ENDOD1: variants seen among roughly 807,000 people sequenced by gnomAD.
ENDOD1 encodes the protein endonuclease domain containing 1, also known as endonuclease domain-containing 1 protein.
ENDOD1 carries 9 observed loss-of-function variants against 6.5 expected under a neutral mutation model. That is an observed-to-expected ratio of 1.39 (90% CI 0.84 to 2.43). ENDOD1 has a LOEUF of 2.43. Ranked by LOEUF, ENDOD1 falls within the 30% of genes most tolerant of loss-of-function variation. ENDOD1 has a pLI of 0.00. For synonymous variants in ENDOD1, 255 were observed against 255.2 expected (o/e 1.00, Z 0.01); for missense variants, 648 against 635.5 (o/e 1.02, Z -0.21).
intron 1 of ENDOD1, among the ~76,000 whole-genome samples, chr11:95,111,358 C>T (rs978236254): frequency 2.0e-5 from 3 of 151,922 alleles, no homozygotes; most frequent in East Asian, 1.9e-4. Context: ...TTCCATGGAC[C>T]GGGGAGCAGG....
chr11:95,129,319 A>G lies in ENDOD1; in HGVS notation c.1243A>G (p.Ile415Val). The G allele has an allele frequency of 1.9e-6, 3 of 1,614,050 alleles. No individual in the cohort carries two copies. The highest frequency in any genetic ancestry group is 2.5e-6 in the Non-Finnish European group (3 of 1,180,026). Residue 415 changes from isoleucine to valine, a missense_variant, in exon 2 of 2, where the codon ATC becomes GTC. Coordinates refer to ENST00000278505, the MANE Select transcript of ENDOD1 (RefSeq NM_015036.3). The part of the protein sequence containing the change: ...VAKVIRALLR[I>V]LCCLLKAICR... ...CAAAGTCATCAGGGCTCTCCTCCGG[A>G]TCCTTTGTTGTCTGCTGAAGGCCAT...
intron 1 of ENDOD1, among the ~76,000 whole-genome samples, chr11:95,098,641 G>A (rs1451936694): frequency 6.6e-6 from 1 of 151,948 alleles, no homozygotes; most frequent in African/African-American, 2.4e-5. Context: ...CTTCAAGTAA[G>A]TACAGTCTAG....
chr11:95,125,514 A>G (rs2134174805), intron 1 of ENDOD1, among the ~76,000 whole-genome samples: 1 of 152,180 alleles, frequency 6.6e-6, no homozygotes, highest in South Asian at 2.1e-4. Flanking sequence ...ACATATGTAT[A>G]CATGTGCCAT....
chr11:95,101,561 AT>A (rs1340295546), intron 1 of ENDOD1, among the ~76,000 whole-genome samples: 18 of 151,664 alleles, frequency 1.2e-4, no homozygotes, highest in Non-Finnish European at 2.4e-4. Context: ...TATGGTGAAA[AT>A]TTTTTTTTAG....
intron 1 of ENDOD1, among the ~76,000 whole-genome samples, chr11:95,101,571 A>G (rs1462051875): frequency 6.6e-6 from 1 of 152,172 alleles, no homozygotes; most frequent in Non-Finnish European, 1.5e-5. Flanking sequence ...ATTTTTTTTT[A>G]GCATTTCAGA....
chr11:95,112,221 C>A (rs1309796360), intron 1 of ENDOD1, among the ~76,000 whole-genome samples: 13 of 152,212 alleles, frequency 8.5e-5, no homozygotes, highest in African/African-American at 2.9e-4. Context: ...CTTATAGCAC[C>A]ATTTTTGTCT....
rs1317079147 is a variant in ENDOD1, at chr11:95,129,978, C to T, written c.*399C>T. ...AAGGAGAAAGGGAGCTTGTTCTTCC[C>T]ATTGCTCTTTGTGATTTAAGGCAAA... is the stretch of plus-strand genomic sequence containing the variant. On this transcript the variant is annotated 3_prime_UTR_variant, in exon 2 of 2. Transcript: ENST00000278505. 1 of 159,970 alleles carries T rather than the reference C, an allele frequency of 6.3e-6. No homozygotes were observed. Among genetic ancestry groups the T allele is most frequent in the East Asian group, 1.8e-4 (1 of 5,442 alleles). 9.9% of individuals were successfully genotyped at this position (159,970 alleles called of 1,614,324 possible).
Position 95,090,045 on chromosome 11 carries a change from GCCGGGACC to G in ENDOD1, c.122_129del (p.Gly41AlafsTer20), listed in dbSNP as rs782513304. ...TGGCGAATGTGACAAGTTCTTCTAC[GCCGGGACC>G]CCGCCTGCGGGGCTGGCGGCCGATT... is the stretch of plus-strand genomic sequence containing the variant. On this transcript the variant is annotated frameshift_variant, in exon 1 of 2. Coordinates refer to ENST00000278505, the MANE Select transcript of ENDOD1 (RefSeq NM_015036.3). LOFTEE classifies it high-confidence loss of function. 6.2e-7 allele frequency: 1 copy of G among 1,601,068 alleles called. No individual in the cohort carries two copies. The highest frequency in any genetic ancestry group is 1.7e-5 in the Admixed American group (1 of 59,066).
chr11:95,103,776 A>C (rs572558517), intron 1 of ENDOD1, among the ~76,000 whole-genome samples: 4 of 152,304 alleles, frequency 2.6e-5, no homozygotes, highest in African/African-American at 9.6e-5. Context: ...TCCCTCTCCT[A>C]CAGAGGAGTT....
At chr11:95,092,044 A>T (rs1482713194) in intron 1 of ENDOD1, among the ~76,000 whole-genome samples, 1 of 152,152 alleles carries the variant, frequency 6.6e-6, no homozygotes, top group African/African-American at 2.4e-5. Flanking sequence ...ACAAAGTCCT[A>T]TTAGATTTAA....
chr11:95,107,484 AAGGGAC>A (rs1859100759), intron 1 of ENDOD1, among the ~76,000 whole-genome samples: 1 of 152,166 alleles, frequency 6.6e-6, no homozygotes, highest in African/African-American at 2.4e-5. Context: ...TTCTCAATGT[AAGGGAC>A]TCCTCTGAAT....
chr11:95,109,668 G>A (rs1046287774), intron 1 of ENDOD1, among the ~76,000 whole-genome samples: 4 of 152,250 alleles, frequency 2.6e-5, no homozygotes, highest in African/African-American at 4.8e-5. Flanking sequence ...ACTCTGAGGC[G>A]CTGTCTCCAC....
intron 1 of ENDOD1, among the ~76,000 whole-genome samples, chr11:95,115,455 T>G (rs1859199182): frequency 1.3e-5 from 2 of 152,070 alleles, no homozygotes; most frequent in African/African-American, 4.8e-5. Flanking sequence ...ACAAGGATAA[T>G]TTGACTTCTT....
rs1428385205 is a variant in ENDOD1, at chr11:95,129,449, G to C, written c.1373G>C (p.Gly458Ala). Residue 458 changes from glycine to alanine, a missense_variant, in exon 2 of 2, where the codon GGC (glycine) becomes GCC (alanine). Gly to Ala is a moderately conservative substitution (Grantham distance 60, BLOSUM62 0). Transcript: ENST00000278505. ...ATTGTTTGCAAGGACATTGCACTGG[G>C]CCTTGGTGGCACTGTCTCACTGCTC... ...IPIVCKDIAL[G>A]LGGTVSLLFD... The C allele has an allele frequency of 3.1e-6, 5 of 1,614,190 alleles. No homozygotes were observed. Among genetic ancestry groups the C allele is most frequent in the Non-Finnish European group, 4.2e-6 (5 of 1,180,032 alleles).
chr11:95,129,722 G>A lies in ENDOD1; in HGVS notation c.*143G>A. 1.2e-6 allele frequency: 1 copy of A among 857,570 alleles called. No individual in the cohort carries two copies. Among genetic ancestry groups the A allele is most frequent in the South Asian group, 1.8e-5 (1 of 56,736 alleles). 53.1% of individuals were successfully genotyped at this position (857,570 alleles called of 1,614,324 possible). A position where few individuals can be genotyped will look rare whatever the true frequency, so the allele number is the denominator to read the frequency against. ...TCTGCTTGTTTTTGCAAAAGAAGAT[G>A]GCAGAATTTAGACTTGACAGAGGAG... is the stretch of plus-strand genomic sequence containing the variant. On this transcript the variant is annotated 3_prime_UTR_variant, in exon 2 of 2. Transcript: ENST00000278505.
chr11:95,129,131 C>G lies in ENDOD1; in HGVS notation c.1055C>G (p.Ala352Gly). The G allele has an allele frequency of 6.2e-7, 1 of 1,614,110 alleles. No homozygotes were observed. The highest frequency in any genetic ancestry group is 8.5e-7 in the Non-Finnish European group (1 of 1,179,996). ...LFQLIYYLVV[A>G]ILKNIVYFLW... ...CAATTAATTTATTACCTTGTGGTAGCAATCCTGAAGAACATTGTCTATTTC... is the reference window on the plus strand; with the variant it reads ...CAATTAATTTATTACCTTGTGGTAGGAATCCTGAAGAACATTGTCTATTTC... The change falls in exon 2 of 2, where the codon GCA (alanine) becomes GGA (glycine). Residue 352 changes from alanine (A) to glycine (G), a missense_variant. By Grantham distance (60) the Ala-to-Gly change is moderately conservative. Transcript: ENST00000278505.
Position 95,104,937 on chromosome 11 carries a change from A to C in ENDOD1, c.300+14710A>C, listed in dbSNP as rs543037145. Among the ~76,000 whole-genome samples, 9 of 151,970 alleles carry C rather than the reference A, an allele frequency of 5.9e-5. No homozygotes were observed. In the East Asian group the frequency reaches 1.7e-3, roughly 29 times the overall value. On this transcript the variant is annotated intron_variant, in intron 1 of 1. Transcript: ENST00000278505. ...AGTCACTACGTTTCTTACACTGAAA[A>C]CCCAAGAGAGCCATATGGTTGGTTG... is the stretch of plus-strand genomic sequence containing the variant.
intron 1 of ENDOD1, among the ~76,000 whole-genome samples, chr11:95,095,797 A>C (rs1307755743): frequency 2.6e-5 from 4 of 152,212 alleles, no homozygotes; most frequent in African/African-American, 4.8e-5. Flanking sequence ...CAGCTTCTAG[A>C]TGGCAAAACC....
At chr11:95,114,439 C>A (rs1325837253) in intron 1 of ENDOD1, among the ~76,000 whole-genome samples, 4 of 152,194 alleles carry the variant, frequency 2.6e-5, no homozygotes, top group Non-Finnish European at 5.9e-5. Context: ...TATTTTATCC[C>A]ATACTGTGGG....
Sources: gnomAD v4.1 joint callset for allele counts (sites outside exome capture counted in the v4.1 genomes callset) on GRCh38, gnomAD v4.1.1 for gene constraint, MANE v1.5 for transcripts, NCBI Gene and HGNC (gene_info 2026-07-23, HGNC 2026-07-21) for gene names.